KANSL3: variants seen among roughly 807,000 people sequenced by gnomAD.
KANSL3 encodes the protein NSL complex protein NSL3.
KANSL3 carries 16 observed loss-of-function variants against 89.2 expected under a neutral mutation model. The ratio of observed to expected loss-of-function variants is 0.18; its 90% confidence interval spans 0.12 to 0.27. The LOEUF is 0.27. Ranked by LOEUF, KANSL3 falls within the 10% of genes least tolerant of loss-of-function variation. KANSL3 has a pLI of 1.00. For missense variants in KANSL3, 879 were observed against 1,110.6 expected, an observed-to-expected ratio of 0.79 and a Z score of 2.96; for synonymous variants, 385 against 419.7, an observed-to-expected ratio of 0.92 and a Z score of 1.01.
chr2:96,619,811 C>A lies in KANSL3; in HGVS notation c.387-49G>T, dbSNP rs560738311. 2.2e-6 allele frequency: 3 copies of A among 1,377,726 alleles called. No individual in the cohort carries two copies. The East Asian group carries it at 7.5e-5, about 34-fold the overall frequency. The allele number at this position is 1,377,726 out of a possible 1,614,324, so 85.3% of individuals were successfully genotyped here. A position where few individuals can be genotyped will look rare whatever the true frequency, so the allele number is the denominator to read the frequency against. Reference sequence around the variant, plus strand: ...TATAGTCAAACCCTGGGGACGCTCCCCATGTATGTACACCATATAAAGAAG... The same window carrying A: ...TATAGTCAAACCCTGGGGACGCTCCACATGTATGTACACCATATAAAGAAG... On this transcript the variant is annotated intron_variant, in intron 3 of 20. Coordinates refer to ENST00000431828, the MANE Select transcript of KANSL3 (RefSeq NM_001115016.3).
intron 17 of KANSL3, chr2:96,603,526 C>A (rs1463211020): frequency 6.6e-6 from 1 of 152,454 alleles, no homozygotes; most frequent in Non-Finnish European, 1.5e-5. Flanking sequence ...TCAGGTGATC[C>A]ACCCACCTCG....
In KANSL3 at chr2:96,631,321, T is replaced by A. The variant is rs775488055; in HGVS notation, c.377A>T (p.His126Leu). 1.2e-6 allele frequency: 2 copies of A among 1,611,396 alleles called. No individual in the cohort carries two copies. Among genetic ancestry groups the A allele is most frequent in the Non-Finnish European group, 1.7e-6 (2 of 1,177,740 alleles). ...CTGATGAGCAGCCTACCTGTTGACA[T>A]GCTCCTCCCAGTCCTCTGGTGGAGG... ...APPPPEDWEE[H>L]VNRTGWTMAQ... The change falls in exon 3 of 21, where the codon CAT becomes CTT. Residue 126 changes from histidine to leucine, a missense_variant. Transcript: ENST00000431828.
chr2:96,609,121 C>T, intron 12 of KANSL3, 57 bp from the exon 13 acceptor site: 1 of 1,403,238 alleles, frequency 7.1e-7, no homozygotes, highest in Non-Finnish European at 9.8e-7. Flanking sequence ...GAATGGGAAC[C>T]TCTCATATAC....
chr2:96,610,709 T>A lies in KANSL3; in HGVS notation c.1319+17A>T, dbSNP rs577144171. 6.2e-7 allele frequency: 1 copy of A among 1,613,366 alleles called. No homozygotes were observed. The highest frequency in any genetic ancestry group is 2.2e-5 in the East Asian group (1 of 44,880). On this transcript the variant is annotated intron_variant, in intron 11 of 20. Coordinates refer to ENST00000431828, the MANE Select transcript of KANSL3 (RefSeq NM_001115016.3). ...CTGTAACACAGCTCTCTTGCAGCTCTGGGAGAATCCACCCACCTGAGATTG... is the reference window on the plus strand; with the variant it reads ...CTGTAACACAGCTCTCTTGCAGCTCAGGGAGAATCCACCCACCTGAGATTG...
At chr2:96,602,392 C>A (rs1020319515) in intron 18 of KANSL3, 54 bp from the exon 19 acceptor site, 5 of 1,383,958 alleles carry the variant, frequency 3.6e-6, no homozygotes, top group South Asian at 1.2e-5. Flanking sequence ...CAGCAACATT[C>A]GAGCTTGGAG....
chr2:96,593,135 A>T, downstream of KANSL3: 1 of 415,584 alleles, frequency 2.4e-6, no homozygotes. Flanking sequence ...AATACATATG[A>T]GAAGTCAACT....
the KANSL3 span, among the ~76,000 whole-genome samples, chr2:96,587,848 G>C: frequency 3.3e-5 from 5 of 152,030 alleles, no homozygotes; most frequent in Non-Finnish European, 7.4e-5. Context: ...TTTGAGAAAT[G>C]AAAACTAGAA....
intron 17 of KANSL3, chr2:96,603,912 G>A: frequency 5.5e-6 from 1 of 182,106 alleles, no homozygotes; most frequent in East Asian, 1.4e-4. Flanking sequence ...GATTTTGGTA[G>A]TGGTGAGGGT....
chr2:96,583,509 G>A, the KANSL3 span, among the ~76,000 whole-genome samples: 3 of 152,164 alleles, frequency 2.0e-5, no homozygotes, highest in Non-Finnish European at 4.4e-5. Context: ...CCTATCAGTG[G>A]AATCATACCG....
intron 3 of KANSL3, among the ~76,000 whole-genome samples, chr2:96,621,586 G>A (rs887740939): frequency 9.2e-5 from 14 of 151,778 alleles, no homozygotes; most frequent in African/African-American, 2.2e-4. Context: ...TACTTGGGAG[G>A]CTGAGGCAGG....
intron 5 of KANSL3, among the ~76,000 whole-genome samples, chr2:96,617,355 T>C (rs1431019774): frequency 6.6e-6 from 1 of 152,170 alleles, no homozygotes; most frequent in Non-Finnish European, 1.5e-5. Flanking sequence ...TTTCCTACCA[T>C]GAATATCATT....
chr2:96,599,612 C>G (rs551884747), intron 20 of KANSL3: 1 of 172,146 alleles, frequency 5.8e-6, no homozygotes, highest in African/African-American at 2.4e-5. Context: ...GACTGACATT[C>G]AATGAATGCT....
intron 3 of KANSL3, among the ~76,000 whole-genome samples, chr2:96,627,676 G>A (rs749604068): frequency 1.3e-5 from 2 of 152,168 alleles, no homozygotes; most frequent in African/African-American, 2.4e-5. Flanking sequence ...GACCTACACC[G>A]TTCATGGAGC....
intron 5 of KANSL3, among the ~76,000 whole-genome samples, chr2:96,616,387 G>A (rs2070118420): frequency 6.6e-6 from 1 of 152,136 alleles, no homozygotes; most frequent in South Asian, 2.1e-4. Context: ...TTTTCCACTT[G>A]GAGCTGGGAA....
the KANSL3 span, among the ~76,000 whole-genome samples, chr2:96,584,513 GTTAA>G: frequency 6.6e-6 from 1 of 152,098 alleles, no homozygotes; most frequent in Admixed American, 6.5e-5. Context: ...ATAATAAATT[GTTAA>G]TTATAGTCAG....
rs907516143 is a variant in KANSL3, at chr2:96,636,943, G to A, written c.193C>T (p.Arg65Trp). Residue 65 changes from arginine to tryptophan, a missense_variant, in exon 2 of 21, where the codon CGG becomes TGG. Around this residue, in one of 6 missense-constraint regions of KANSL3, gnomAD observed 210 missense variants for 311.9 expected, o/e 0.67. Coordinates refer to ENST00000431828, the MANE Select transcript of KANSL3 (RefSeq NM_001115016.3). ...RPTRMLFVTP[R>W]RQHESTIESD... ...CACATGGTACTTTCGTGCTGCCGCC[G>A]GGGAGTGACAAAGAGCATGCGGGTG... The A allele has an allele frequency of 6.5e-6, 10 of 1,540,246 alleles. No individual in the cohort carries two copies. The highest frequency in any genetic ancestry group is 8.8e-6 in the Non-Finnish European group (10 of 1,140,158).
At chr2:96,591,904 A>G (rs559149053), downstream of KANSL3, among the ~76,000 whole-genome samples, 69 of 152,336 alleles carry the variant, frequency 4.5e-4, 1 homozygote, top group South Asian at 0.014. Context: ...GCCTAATGAG[A>G]GAATATTCCC....
chr2:96,601,811 C>A, intron 19 of KANSL3, 35 bp from the exon 20 acceptor site: 1 of 1,522,764 alleles, frequency 6.6e-7, no homozygotes. Context: ...ATTTTTGAGT[C>A]ACACTCTCCA....
At chr2:96,634,228 A>C (rs2073917485) in intron 2 of KANSL3, 1 of 152,226 alleles carries the variant, frequency 6.6e-6, no homozygotes, top group African/African-American at 2.4e-5. Flanking sequence ...TTCATATTTT[A>C]AAATGAGATC....
Sources: gnomAD v4.1 joint callset for allele counts (sites outside exome capture counted in the v4.1 genomes callset) on GRCh38, gnomAD v4.1.1 for gene constraint, gnomAD v4.1.1 regional missense constraint, MANE v1.5 for transcripts, NCBI Gene and HGNC (gene_info 2026-07-23, HGNC 2026-07-21) for gene names.